The following LYSMD1 variants were observed in gnomAD, a reference collection of about 807,000 sequenced individuals.
LYSMD1 encodes LysM domain containing 1.
In LYSMD1, 9 loss-of-function variants were observed where a neutral mutation model predicts 19.3. That is an observed-to-expected ratio of 0.47 (90% CI 0.28 to 0.81). LYSMD1 has a LOEUF of 0.81. Among genes scored for constraint, LYSMD1 ranks in the 40% least tolerant of loss-of-function variants. The probability of loss-of-function intolerance (pLI) is 0.11; values close to 1 mark genes in which losing one functional copy is unlikely to be tolerated. For synonymous variants in LYSMD1, 111 were observed against 111.7 expected, an observed-to-expected ratio of 0.99 and a Z score of 0.04; for missense variants, 262 against 279.8, an observed-to-expected ratio of 0.94 and a Z score of 0.45.
rs1321645192 is a variant in LYSMD1 at position 151,161,729 on chromosome 1, GACTCACCC to G, written c.544_545+6del. 3 of 1,607,958 alleles carry G rather than the reference GACTCACCC, an allele frequency of 1.9e-6. No individual in the cohort carries two copies. The Admixed American group carries it at 5.2e-5, about 28-fold the overall frequency. Reference sequence around the variant, plus strand: ...GAGGAACTTATAAGGAACCATTCAAGACTCACCCATTTTCCCCTTTTTTCAGCTTCTGA... The same window carrying G: ...GAGGAACTTATAAGGAACCATTCAAGATTTTCCCCTTTTTTCAGCTTCTGA... On this transcript the variant is annotated splice_donor_variant and splice_donor_5th_base_variant and coding_sequence_variant and intron_variant, in exon 2 of 3. Transcript: ENST00000368908. LOFTEE classifies it high-confidence loss of function.
At chr1:151,151,576 T>C in the LYSMD1 span, among the ~76,000 whole-genome samples, 1 of 151,876 alleles carries the variant, frequency 6.6e-6, no homozygotes. Flanking sequence ...TCTAGACTCA[T>C]GTATACAATT....
chr1:151,158,992 A>G (rs759724200), downstream of LYSMD1: 20 of 1,614,140 alleles, frequency 1.2e-5, no homozygotes, highest in Non-Finnish European at 1.6e-5. Flanking sequence ...GCAGGGTGCC[A>G]TGACGGCACT....
At chr1:151,163,999 T>C (rs942788687) in intron 1 of LYSMD1, among the ~76,000 whole-genome samples, 3 of 151,280 alleles carry the variant, frequency 2.0e-5, no homozygotes, top group African/African-American at 7.3e-5. Context: ...GTTCAAGCGA[T>C]TCTCCCGCCT....
At position 151,160,915 on chromosome 1, in the gene LYSMD1, T is replaced by C. The variant is rs775532510; in HGVS notation, c.651A>G (p.Leu217=). Residue 217 remains leucine (L), a synonymous_variant, in exon 3 of 3, where the codon CTA becomes CTG. Coordinates refer to ENST00000368908, the MANE Select transcript of LYSMD1 (RefSeq NM_212551.5). ...PLTRTSRTRT[L]RDQEDEIFKL ...TGAAGATTTCATCCTCCTGGTCCCGTAGTGTCCGGGTCCGAGAGGTACGGG... is the reference window on the plus strand; with the variant it reads ...TGAAGATTTCATCCTCCTGGTCCCGCAGTGTCCGGGTCCGAGAGGTACGGG... The C allele has an allele frequency of 2.0e-5, 33 of 1,614,002 alleles. 1 individual carries two copies. In the South Asian group the frequency reaches 2.9e-4, roughly 14 times the overall value.
chr1:151,163,342 G>T (rs12060785), intron 1 of LYSMD1, among the ~76,000 whole-genome samples: 8,671 of 151,742 alleles, frequency 0.057, 880 homozygotes, highest in African/African-American at 0.2. Context: ...GTCCTTTAAG[G>T]GCAAGGATTG....
downstream of LYSMD1, among the ~76,000 whole-genome samples, chr1:151,158,248 G>A (rs980707989): frequency 3.3e-5 from 5 of 151,782 alleles, no homozygotes; most frequent in Non-Finnish European, 5.9e-5. Context: ...GCTTGAACCC[G>A]GGAGGTGGAG....
In LYSMD1 at chr1:151,160,010, G is replaced by A. The variant is rs1157704960; in HGVS notation, c.*872C>T. The A allele has an allele frequency of 6.6e-6, 1 of 152,026 alleles. No individual in the cohort carries two copies. Among genetic ancestry groups the A allele is most frequent in the African/African-American group, 2.4e-5 (1 of 41,256 alleles). 9.4% of individuals were successfully genotyped at this position (152,026 alleles called of 1,614,324 possible). On this transcript the variant is annotated 3_prime_UTR_variant, in exon 3 of 3. Coordinates refer to ENST00000368908, the MANE Select transcript of LYSMD1 (RefSeq NM_212551.5). ...AGAGAGAGGGTCTGGAGGGGAGGGG[G>A]TGTAACAAAGAGACTCCCACAACTG...
At chr1:151,159,382 T>A, downstream of LYSMD1, 1 of 1,039,202 alleles carries the variant, frequency 9.6e-7, no homozygotes, top group South Asian at 1.7e-5. Context: ...TTCCCAAGAG[T>A]GCTTTTGACT....
chr1:151,165,148 T>G lies in LYSMD1; in HGVS notation c.111A>C (p.Glu37Asp), dbSNP rs776409737. 3 of 1,614,160 alleles carry G rather than the reference T, an allele frequency of 1.9e-6. No homozygotes were observed. The South Asian group carries it at 3.3e-5, about 18-fold the overall frequency. ...GCTCCAACTGATGCTCCAGGCGTCT[T>G]TCCCTCACTGGGGAGCAGGCCGATT... is the stretch of plus-strand genomic sequence containing the variant. ...LVQSACSPVR[E>D]RRLEHQLEPG... Residue 37 changes from glutamate to aspartate, a missense_variant, in exon 1 of 3, where the codon GAA becomes GAC. Physicochemically the swap from Glu to Asp is conservative, Grantham distance 45. Coordinates refer to ENST00000368908, the MANE Select transcript of LYSMD1 (RefSeq NM_212551.5).
chr1:151,154,167 T>C, the LYSMD1 span, among the ~76,000 whole-genome samples: 1 of 151,928 alleles, frequency 6.6e-6, no homozygotes, highest in Non-Finnish European at 1.5e-5. Flanking sequence ...CTGAGCTTAG[T>C]GGGTAGACAG....
At position 151,165,401 on chromosome 1, in the gene LYSMD1, T is replaced by C; in HGVS notation, c.-143A>G. The stretch of plus-strand genomic sequence containing the variant: ...CCCTGTGTCCCCGCCTCCCCAGCAC[T>C]ACGCCATCTGCCCCCTCCCGGTTTC... On this transcript the variant is annotated 5_prime_UTR_variant, in exon 1 of 3. The change abolishes the stop of an existing upstream ORF in the 5' untranslated region. Transcript: ENST00000368908. 1.4e-6 allele frequency: 2 copies of C among 1,385,144 alleles called. No homozygotes were observed. Among genetic ancestry groups the C allele is most frequent in the Non-Finnish European group, 1.9e-6 (2 of 1,053,256 alleles). The allele number at this position is 1,385,144 out of a possible 1,614,324, so 85.8% of individuals were successfully genotyped here.
At position 151,165,797 on chromosome 1, in the gene LYSMD1, C is replaced by G. The variant is rs943677155; in HGVS notation, c.-539G>C. On this transcript the variant is annotated 5_prime_UTR_variant, in exon 1 of 3. Coordinates refer to ENST00000368908, the MANE Select transcript of LYSMD1 (RefSeq NM_212551.5). The stretch of plus-strand genomic sequence containing the variant: ...CCGCTCCGCATAAGATAGGTCACAC[C>G]CTCAAATTTCGGCTCCACATCTAGG... The G allele has an allele frequency of 2.6e-6, 4 of 1,549,088 alleles. No homozygotes were observed. The African/African-American group carries it at 4.1e-5, about 16-fold the overall frequency.
downstream of LYSMD1, chr1:151,159,366 C>A: frequency 8.8e-7 from 1 of 1,136,322 alleles, no homozygotes; most frequent in Non-Finnish European, 1.2e-6. Flanking sequence ...CTTCAGGCTT[C>A]ATTCCTTCCC....
downstream of LYSMD1, among the ~76,000 whole-genome samples, chr1:151,154,879 C>T (rs967117517): frequency 2.0e-5 from 3 of 152,216 alleles, no homozygotes; most frequent in East Asian, 1.9e-4. Context: ...CTCCTAACCT[C>T]GTGATCCGCC....
At chr1:151,164,282 T>C (rs1683572887) in intron 1 of LYSMD1, among the ~76,000 whole-genome samples, 1 of 152,196 alleles carries the variant, frequency 6.6e-6, no homozygotes. Flanking sequence ...CATTAGGCCA[T>C]AAATTACATG....
chr1:151,160,956 C>CTAG lies in LYSMD1; in HGVS notation c.607_609dup (p.Leu203dup). On this transcript the variant is annotated inframe_insertion, in exon 3 of 3. Transcript: ENST00000368908. The stretch of plus-strand genomic sequence containing the variant: ...GAGGTACGGGTCAGCGGCACAGGAC[C>CTAG]TAGGACTGCTCGTTGCTGCATCCAA... The CTAG allele has an allele frequency of 6.2e-7, 1 of 1,614,172 alleles. No homozygotes were observed.
Position 151,161,619 on chromosome 1 carries a change from A to G in LYSMD1, c.545+117T>C, listed in dbSNP as rs1288141672. ...CATTATCTTGGGGCCACATGGGGGA[A>G]AGGTATCACCTTGCCTCTGTTGGCA... is the stretch of plus-strand genomic sequence containing the variant. On this transcript the variant is annotated intron_variant, in intron 2 of 2. Coordinates refer to ENST00000368908, the MANE Select transcript of LYSMD1 (RefSeq NM_212551.5). The G allele has an allele frequency of 3.8e-6, 5 of 1,318,600 alleles. No homozygotes were observed. In the African/African-American group the frequency reaches 4.5e-5, roughly 12 times the overall value. The allele number at this position is 1,318,600 out of a possible 1,614,324, so 81.7% of individuals were successfully genotyped here. A position where few individuals can be genotyped will look rare whatever the true frequency, so the allele number is the denominator to read the frequency against.
chr1:151,149,785 T>C, the LYSMD1 span, among the ~76,000 whole-genome samples: 3 of 152,140 alleles, frequency 2.0e-5, no homozygotes, highest in African/African-American at 7.2e-5. Context: ...ACAGATTGGA[T>C]TGGAAAAGCA....
At chr1:151,162,149 T>A (rs1385904767) in intron 1 of LYSMD1, 49 bp from the exon 2 acceptor site, 2 of 1,550,112 alleles carry the variant, frequency 1.3e-6, no homozygotes, top group African/African-American at 1.4e-5. Context: ...ATGATCAATC[T>A]TACATCTTGA....
Sources: allele counts gnomAD v4.1 joint callset (sites outside exome capture counted in the v4.1 genomes callset), GRCh38; gene constraint gnomAD v4.1.1; transcripts MANE v1.5; gene names NCBI Gene and HGNC (gene_info 2026-07-23, HGNC 2026-07-21).